Variants in EVL observed in about 807,000 individuals in gnomAD.
The protein encoded by EVL is Enah/Vasp-like.
In EVL, 21 loss-of-function variants were observed where a neutral mutation model predicts 59.6. The ratio of observed to expected loss-of-function variants is 0.35; its 90% CI spans 0.25 to 0.51. The LOEUF is 0.51. EVL is among the 20% of genes least tolerant of loss of function. The probability of loss-of-function intolerance (pLI) is 0.97; values close to 1 mark genes in which losing one functional copy is unlikely to be tolerated. For synonymous variants in EVL, 198 were observed against 203.5 expected (o/e 0.97, Z 0.23); for missense variants, 462 against 546.6 (o/e 0.85, Z 1.54).
intron 1 of EVL, among the ~76,000 whole-genome samples, chr14:100,021,034 T>C (rs562131601): frequency 2.6e-5 from 4 of 152,374 alleles, no homozygotes; most frequent in Admixed American, 1.3e-4. Flanking sequence ...TGGGTTCTAA[T>C]GTCTGTTTCA....
intron 2 of EVL, among the ~76,000 whole-genome samples, chr14:100,087,002 G>A (rs893477662): frequency 1.1e-4 from 16 of 152,166 alleles, no homozygotes; most frequent in Non-Finnish European, 1.9e-4. Context: ...AGTCCGTGTG[G>A]GCTACCACCT....
chr14:100,001,218 GGCTT>G (rs1452305761), intron 1 of EVL, among the ~76,000 whole-genome samples: 5 of 152,116 alleles, frequency 3.3e-5, no homozygotes, highest in Non-Finnish European at 7.3e-5. Context: ...AAGTTTGCAA[GGCTT>G]TAAGAAGCAC....
chr14:100,118,534 G>A (rs772069410), intron 3 of EVL, among the ~76,000 whole-genome samples: 4 of 152,178 alleles, frequency 2.6e-5, no homozygotes, highest in Non-Finnish European at 5.9e-5. Flanking sequence ...GGGAGTGACC[G>A]CCAAACGCCT....
intron 1 of EVL, among the ~76,000 whole-genome samples, chr14:100,072,465 T>G (rs1190969): frequency 6.6e-6 from 1 of 152,208 alleles, no homozygotes; most frequent in Non-Finnish European, 1.5e-5. Context: ...GAACTCCTGA[T>G]CTCAGGTGAT....
upstream of EVL, among the ~76,000 whole-genome samples, chr14:100,063,093 G>A (rs2061865697): frequency 6.6e-6 from 1 of 152,108 alleles, no homozygotes; most frequent in Admixed American, 6.6e-5. Context: ...AAGAGACCCT[G>A]CCTCTAAAAA....
intron 2 of EVL, among the ~76,000 whole-genome samples, chr14:100,090,376 A>G (rs1182110115): frequency 2.6e-5 from 4 of 152,240 alleles, no homozygotes; most frequent in Non-Finnish European, 4.4e-5. Flanking sequence ...AACATAAAGA[A>G]GAAACAATGC....
intron 1 of EVL, among the ~76,000 whole-genome samples, chr14:100,083,974 T>A (rs1433251520): frequency 6.6e-6 from 1 of 152,018 alleles, no homozygotes; most frequent in Non-Finnish European, 1.5e-5. Context: ...TCTAAAAAAA[T>A]GGAGAATGGA....
At chr14:100,112,746 G>A (rs868133786) in intron 3 of EVL, among the ~76,000 whole-genome samples, 1 of 152,304 alleles carries the variant, frequency 6.6e-6, no homozygotes, top group African/African-American at 2.4e-5. Context: ...TCTTAAGAAC[G>A]ACCCACACAC....
At chr14:100,044,968 T>C (rs200968213) in intron 1 of EVL, among the ~76,000 whole-genome samples, 1 of 151,900 alleles carries the variant, frequency 6.6e-6, no homozygotes, top group Non-Finnish European at 1.5e-5. Flanking sequence ...TAAAAATAAA[T>C]AAAGAAATAA....
At chr14:100,034,357 CCT>C (rs539623301) in intron 1 of EVL, among the ~76,000 whole-genome samples, 18 of 152,178 alleles carry the variant, frequency 1.2e-4, no homozygotes, top group Middle Eastern at 3.4e-3. Flanking sequence ...GATTTTGCCC[CCT>C]GAGTTTCCCA....
chr14:99,985,860 C>T (rs1027499540), intron 1 of EVL, among the ~76,000 whole-genome samples: 1 of 152,108 alleles, frequency 6.6e-6, no homozygotes, highest in Non-Finnish European at 1.5e-5. Flanking sequence ...GAGCTCTGGC[C>T]TGCTGAAGTC....
rs139215528 is a variant in EVL at position 100,056,194 on chromosome 14, A to G, written c.6-28493A>G. ...TTACATCTTTCTTGAATTCTATAAA[A>G]TTATCTGTCATTTCATCTTTTTTTT... On this transcript the variant is annotated intron_variant, in intron 1 of 13. Transcript: ENST00000402714. Among the ~76,000 whole-genome samples, 105 of 151,562 alleles carry G rather than the reference A, an allele frequency of 6.9e-4. 1 individual carries two copies. The highest frequency in any genetic ancestry group is 1.1e-3 in the Non-Finnish European group (76 of 67,844).
intron 1 of EVL, among the ~76,000 whole-genome samples, chr14:100,083,986 G>A (rs1021528264): frequency 4.6e-5 from 7 of 151,396 alleles, no homozygotes; most frequent in African/African-American, 1.2e-4. Flanking sequence ...GAGAATGGAG[G>A]TAATAAATAG....
In EVL at chr14:100,130,239, T is replaced by C. The variant is rs1029500652; in HGVS notation, c.839+555T>C. On this transcript the variant is annotated intron_variant, in intron 7 of 13. Transcript: ENST00000392920. The surrounding 1 kb of genome is among the most constrained non-coding windows in gnomAD (Gnocchi z 4.8). ...TGGGCCTGAGACCTGGCCATGTGTGTCTGCTCGCTGCAGCGGGTGTGGCTG... is the reference window on the plus strand; with the variant it reads ...TGGGCCTGAGACCTGGCCATGTGTGCCTGCTCGCTGCAGCGGGTGTGGCTG... Among the ~76,000 whole-genome samples the C allele has an allele frequency of 2.0e-5, 3 of 152,102 alleles. No homozygotes were observed. The highest frequency in any genetic ancestry group is 2.9e-5 in the Non-Finnish European group (2 of 68,026).
intron 1 of EVL, among the ~76,000 whole-genome samples, chr14:100,053,995 G>A (rs1017538634): frequency 2.0e-5 from 3 of 147,094 alleles, no homozygotes; most frequent in African/African-American, 7.5e-5. Flanking sequence ...GTATTAATTA[G>A]TCTCTTCCCT....
intron 1 of EVL, among the ~76,000 whole-genome samples, chr14:99,990,788 G>C (rs1472887043): frequency 1.3e-5 from 2 of 151,846 alleles, no homozygotes; most frequent in Non-Finnish European, 1.5e-5. Flanking sequence ...TCCACTCCTG[G>C]CTATTGTGAA....
chr14:100,028,631 T>G (rs751173773), intron 1 of EVL, among the ~76,000 whole-genome samples: 1 of 152,036 alleles, frequency 6.6e-6, no homozygotes, highest in Non-Finnish European at 1.5e-5. Context: ...GTCAACATGG[T>G]GAAACCCCGT....
At chr14:99,977,412 T>C (rs2060777249) in intron 1 of EVL, 1 of 152,138 alleles carries the variant, frequency 6.6e-6, no homozygotes, top group African/African-American at 2.4e-5. Context: ...TTTATTTTTA[T>C]TTTTTAGATG....
chr14:100,040,067 A>C (rs2061444917), intron 1 of EVL, among the ~76,000 whole-genome samples: 1 of 152,050 alleles, frequency 6.6e-6, no homozygotes, highest in African/African-American at 2.4e-5. Flanking sequence ...GGCATGAGCC[A>C]CTGTGCCCAG....
Sources: allele counts gnomAD v4.1 joint callset (sites outside exome capture counted in the v4.1 genomes callset), GRCh38; gene constraint gnomAD v4.1.1; non-coding constraint Gnocchi (gnomAD v3.1); transcripts MANE v1.5; gene names NCBI Gene and HGNC (gene_info 2026-07-23, HGNC 2026-07-21).